FADS2: variants seen among roughly 807,000 people sequenced by gnomAD.
FADS2 encodes fatty acid desaturase 2.
A neutral mutation model predicts 61.2 loss-of-function variants in FADS2; 18 were observed. The ratio of observed to expected loss-of-function variants is 0.29; its 90% CI spans 0.20 to 0.44. The LOEUF (loss-of-function observed/expected upper bound fraction) is 0.44. Among genes scored for constraint, FADS2 ranks in the 20% least tolerant of loss-of-function variants. The probability of loss-of-function intolerance (pLI) is 1.00; values close to 1 mark genes in which losing one functional copy is unlikely to be tolerated. For synonymous variants in FADS2, 203 were observed against 223.9 expected, an observed-to-expected ratio of 0.91 and a Z score of 0.83; for missense variants, 322 against 572.7, an observed-to-expected ratio of 0.56 and a Z score of 4.47.
Position 61,863,369 on chromosome 11 carries a change from C to T in FADS2, c.1068C>T (p.Phe356=). 2.5e-6 allele frequency: 4 copies of T among 1,611,962 alleles called. No homozygotes were observed. The highest frequency in any genetic ancestry group is 3.4e-6 in the Non-Finnish European group (4 of 1,178,008). The part of the protein sequence containing the change: ...EIDQEAYRDW[F]SSQLTATCNV... ...ACCAGGAGGCCTACCGTGACTGGTT[C>T]AGTAGCCAGGTAGGGAAGTCAGGGC... Residue 356 remains phenylalanine (F), a synonymous_variant, in exon 9 of 12, where the codon TTC becomes TTT. Coordinates refer to ENST00000278840, the MANE Select transcript of FADS2 (RefSeq NM_004265.4).
Position 61,866,013 on chromosome 11 carries a change from GGGA to G in FADS2, c.*329_*331del. 2 of 465,000 alleles carry G rather than the reference GGGA, an allele frequency of 4.3e-6. No homozygotes were observed. Among genetic ancestry groups the G allele is most frequent in the Non-Finnish European group, 7.6e-6 (2 of 262,228 alleles). The allele number at this position is 465,000 out of a possible 1,614,324, so 28.8% of individuals were successfully genotyped here. On this transcript the variant is annotated 3_prime_UTR_variant, in exon 12 of 12. Transcript: ENST00000278840. ...ACCTCCACTCTCTGCCCCTAAAGAT[GGGA>G]GGAGACCAGCGGTCCATGGGTCTGG...
chr11:61,848,071 G>T, intron 4 of FADS2, 88 bp from the exon 5 acceptor site: 1 of 1,555,596 alleles, frequency 6.4e-7, no homozygotes, highest in East Asian at 2.3e-5. Flanking sequence ...TGAAGGTTCC[G>T]GGAACTGCTC....
In FADS2 at chr11:61,816,316, T is replaced by C; in HGVS notation, c.31T>C (p.Cys11Arg). The change falls in exon 1 of 12, where the codon TGT becomes CGT. Residue 11 changes from cysteine to arginine, a missense_variant. Transcript: ENST00000257261. This position sits in a 1 kb window ranked among gnomAD's most constrained non-coding sequence, Gnocchi z 7.0. The stretch of plus-strand genomic sequence containing the variant: ...CGGCAGGGAGGCGGGACCCTTTGTT[T>C]GTGTGTGCGTGTTGTTGGCCTCCAT... 6.3e-7 allele frequency: 1 copy of C among 1,598,316 alleles called. No individual in the cohort carries two copies. Among genetic ancestry groups the C allele is most frequent in the Non-Finnish European group, 8.5e-7 (1 of 1,179,782 alleles).
intron 10 of FADS2, among the ~76,000 whole-genome samples, chr11:61,864,489 G>A (rs183135477): frequency 2.6e-5 from 4 of 152,236 alleles, no homozygotes; most frequent in Non-Finnish European, 5.9e-5. Context: ...CACCTACCAG[G>A]TTCAAGCAAT....
At chr11:61,831,032 G>T (rs755687305) in intron 1 of FADS2, among the ~76,000 whole-genome samples, 1 of 152,118 alleles carries the variant, frequency 6.6e-6, no homozygotes, top group Non-Finnish European at 1.5e-5. Context: ...TGAAATACAC[G>T]AACTGGGGAT....
At chr11:61,864,067 G>C (rs370677785) in intron 10 of FADS2, 220 of 438,354 alleles carry the variant, frequency 5.0e-4, no homozygotes, top group Middle Eastern at 1.2e-3. Flanking sequence ...TAGTTATGGA[G>C]CCTGCACACG....
At chr11:61,823,874 G>A (rs1450143979), upstream of FADS2, among the ~76,000 whole-genome samples, 3 of 152,066 alleles carry the variant, frequency 2.0e-5, no homozygotes, top group Non-Finnish European at 4.4e-5. Context: ...TAAATTTGAT[G>A]CACTTACTAA....
rs2066983973 is a variant in FADS2 at position 61,816,418 on chromosome 11, G to C, written c.133G>C (p.Gly45Arg). The C allele has an allele frequency of 6.3e-7, 1 of 1,598,684 alleles. No individual in the cohort carries two copies. The highest frequency in any genetic ancestry group is 1.1e-5 in the South Asian group (1 of 91,080). The stretch of plus-strand genomic sequence containing the variant: ...CGCATCCGCAGGACACCCAATCACC[G>C]GGCAACAGGTATGATCAGGCGCCTC... Residue 45 changes from glycine (G) to arginine (R), a missense_variant, in exon 1 of 12, where the codon GGG becomes CGG. By Grantham distance (125) the Gly-to-Arg change is moderately radical. Coordinates refer to the FADS2 transcript ENST00000257261. The surrounding 1 kb of genome is among the most constrained non-coding windows in gnomAD (Gnocchi z 7.0).
intron 5 of FADS2, among the ~76,000 whole-genome samples, chr11:61,851,074 C>T (rs2067302889): frequency 6.6e-6 from 1 of 152,174 alleles, no homozygotes; most frequent in East Asian, 1.9e-4. Flanking sequence ...TGCCAAAGTA[C>T]AGGCTATTGT....
intron 1 of FADS2, among the ~76,000 whole-genome samples, chr11:61,835,682 G>A (rs1419675685): frequency 6.6e-6 from 1 of 151,458 alleles, no homozygotes; most frequent in Non-Finnish European, 1.5e-5. Context: ...TGGGATTACC[G>A]CACCCGGCCC....
rs1555078396 is a variant in FADS2 at position 61,861,371 on chromosome 11, A to AAAAAAAAAAAAAAAAAC, written c.883-1601_883-1600insAAAAAAAAAAAAAAAAC. Among the ~76,000 whole-genome samples, 69 of 106,518 alleles carry AAAAAAAAAAAAAAAAAC rather than the reference A, an allele frequency of 6.5e-4. 9 individuals are homozygous for AAAAAAAAAAAAAAAAAC. Among genetic ancestry groups the AAAAAAAAAAAAAAAAAC allele is most frequent in the Non-Finnish European group, 1.3e-3 (58 of 46,258 alleles). The allele number at this position is 106,518 out of a possible 152,430, so 69.9% of individuals were successfully genotyped here. A position where few individuals can be genotyped will look rare whatever the true frequency, so the allele number is the denominator to read the frequency against. ...TCCCTCTCAAAAAAAAAAAAAAAAA[A>AAAAAAAAAAAAAAAAAC]CAGAAATTAGCTACTCGGGAGGCTG... On this transcript the variant is annotated intron_variant, in intron 7 of 11. Coordinates refer to ENST00000278840, the MANE Select transcript of FADS2 (RefSeq NM_004265.4).
chr11:61,829,752 C>T (rs948263436), intron 1 of FADS2, among the ~76,000 whole-genome samples: 5 of 152,154 alleles, frequency 3.3e-5, no homozygotes, highest in Admixed American at 2.0e-4. Context: ...TAGATCATTC[C>T]ACCTGGAGGT....
chr11:61,824,073 A>G (rs1188159112), upstream of FADS2, among the ~76,000 whole-genome samples: 1 of 151,940 alleles, frequency 6.6e-6, no homozygotes, highest in Non-Finnish European at 1.5e-5. Flanking sequence ...ATTAAAATAG[A>G]TGAGATAGGT....
chr11:61,861,371 A>AAAAAAAAGAAAAAAAC, intron 7 of FADS2, among the ~76,000 whole-genome samples: 1 of 106,458 alleles, frequency 9.4e-6, no homozygotes, highest in Non-Finnish European at 2.2e-5. Flanking sequence ...AAAAAAAAAA[A>AAAAAAAAGAAAAAAAC]CAGAAATTAG....
chr11:61,817,891 C>T (rs932601173), intron 1 of FADS2, among the ~76,000 whole-genome samples: 4 of 152,206 alleles, frequency 2.6e-5, no homozygotes, highest in African/African-American at 9.6e-5. Flanking sequence ...CAAACCTTAA[C>T]TCATTTAATT....
intron 7 of FADS2, among the ~76,000 whole-genome samples, chr11:61,859,547 C>T (rs1366119408): frequency 2.0e-5 from 3 of 152,214 alleles, no homozygotes; most frequent in African/African-American, 7.2e-5. Flanking sequence ...TCTCCCACAA[C>T]CTAATCCTGA....
At chr11:61,831,471 G>GCCATTCTCA (rs1213583775) in intron 1 of FADS2, among the ~76,000 whole-genome samples, 1 of 152,150 alleles carries the variant, frequency 6.6e-6, no homozygotes, top group Non-Finnish European at 1.5e-5. Flanking sequence ...AGTCAGGGAA[G>GCCATTCTCA]CCATTCTCGG....
chr11:61,816,730 G>C lies in FADS2; in HGVS notation c.141+304G>C, dbSNP rs1293133395. On this transcript the variant is annotated intron_variant, in intron 1 of 11. Transcript: ENST00000257261. This position sits in a 1 kb window ranked among gnomAD's most constrained non-coding sequence, Gnocchi z 7.0. ...GCGCGGGGTAGGTCCCTGAGCCGCG[G>C]TCTCGGCGGCCACCGGGTCGGGGGC... is the stretch of plus-strand genomic sequence containing the variant. 2 of 1,560,004 alleles carry C rather than the reference G, an allele frequency of 1.3e-6. No individual in the cohort carries two copies. Among genetic ancestry groups the C allele is most frequent in the East Asian group, 4.8e-5 (2 of 41,908 alleles).
chr11:61,851,956 C>A (rs1286299477), intron 5 of FADS2, among the ~76,000 whole-genome samples: 1 of 152,186 alleles, frequency 6.6e-6, no homozygotes, highest in Non-Finnish European at 1.5e-5. Context: ...ATTTTCAGTT[C>A]TTTAAGGTTT....
Sources: allele counts gnomAD v4.1 joint callset (sites outside exome capture counted in the v4.1 genomes callset), GRCh38; gene constraint gnomAD v4.1.1; non-coding constraint Gnocchi (gnomAD v3.1); transcripts MANE v1.5; gene names NCBI Gene and HGNC (gene_info 2026-07-23, HGNC 2026-07-21).